FBXW7: variants seen among roughly 807,000 people sequenced by gnomAD.
FBXW7 encodes the protein F-box and WD repeat domain containing 7.
In FBXW7, 11 loss-of-function variants were observed where a neutral mutation model predicts 86.3. That is an observed-to-expected ratio of 0.13 (90% confidence interval 0.08 to 0.21). FBXW7 has a LOEUF of 0.21. FBXW7 is among the 10% of genes least tolerant of loss of function. The pLI is 1.00. For synonymous variants in FBXW7, 313 were observed against 297.9 expected, an observed-to-expected ratio of 1.05 and a Z score of -0.52; for missense variants, 488 against 847.4, an observed-to-expected ratio of 0.58 and a Z score of 5.27.
intron 2 of FBXW7, among the ~76,000 whole-genome samples, chr4:152,506,214 C>T (rs1185893847): frequency 6.6e-6 from 1 of 152,126 alleles, no homozygotes; most frequent in African/African-American, 2.4e-5. Flanking sequence ...TCACTGCAAG[C>T]TCTGCCTCCC....
chr4:152,331,453 A>G (rs1384345207), intron 8 of FBXW7, among the ~76,000 whole-genome samples: 1 of 152,144 alleles, frequency 6.6e-6, no homozygotes, highest in Non-Finnish European at 1.5e-5. Flanking sequence ...GCTAAGTGAA[A>G]TAAGCTGATT....
At chr4:152,456,418 C>T (rs904476230) in intron 2 of FBXW7, among the ~76,000 whole-genome samples, 1 of 149,872 alleles carries the variant, frequency 6.7e-6, no homozygotes, top group African/African-American at 2.4e-5. Context: ...CATCTGTAGT[C>T]CCAGCTACTC....
At chr4:152,352,926 T>A in intron 4 of FBXW7, 1 of 1,419,888 alleles carries the variant, frequency 7.0e-7, no homozygotes, top group Non-Finnish European at 9.2e-7. Flanking sequence ...TGCACATCAA[T>A]TATATGGTGA....
In FBXW7 at chr4:152,452,371, T is replaced by C. The variant is rs118114200; in HGVS notation, c.-119-39842A>G. Among the ~76,000 whole-genome samples, 718 of 152,298 alleles carry C rather than the reference T, an allele frequency of 4.7e-3. 10 individuals are homozygous for C. The highest frequency in any genetic ancestry group is 0.027 in the East Asian group (142 of 5,178). Reference sequence around the variant, plus strand: ...TTTTTTCCTTAAAATACAGCGTTGGTCATTAAAAGGACTTCAGTAATTTTA... The same window carrying C: ...TTTTTTCCTTAAAATACAGCGTTGGCCATTAAAAGGACTTCAGTAATTTTA... On this transcript the variant is annotated intron_variant, in intron 2 of 13. Coordinates refer to ENST00000281708, the MANE Select transcript of FBXW7 (RefSeq NM_001349798.2).
intron 4 of FBXW7, among the ~76,000 whole-genome samples, chr4:152,389,682 T>C (rs1005856539): frequency 1.3e-5 from 2 of 151,954 alleles, no homozygotes; most frequent in Non-Finnish European, 2.9e-5. Context: ...GGGTGACAGG[T>C]ACACTAAAGG....
At chr4:152,349,257 C>T (rs1181319870) in intron 5 of FBXW7, among the ~76,000 whole-genome samples, 1 of 151,594 alleles carries the variant, frequency 6.6e-6, no homozygotes, top group Non-Finnish European at 1.5e-5. Context: ...CTACTGTTAA[C>T]TTTCAATCAC....
intron 2 of FBXW7, among the ~76,000 whole-genome samples, chr4:152,475,386 C>T (rs947766543): frequency 1.4e-4 from 21 of 151,890 alleles, no homozygotes; most frequent in African/African-American, 4.6e-4. Flanking sequence ...TTGATCATAC[C>T]GGTGCACTCC....
chr4:152,499,060 G>A (rs1746654823), intron 2 of FBXW7, among the ~76,000 whole-genome samples: 1 of 152,062 alleles, frequency 6.6e-6, no homozygotes, highest in Non-Finnish European at 1.5e-5. Context: ...AATTATCAGA[G>A]AACTGAAGAA....
chr4:152,355,906 T>C (rs1292061781), intron 4 of FBXW7, among the ~76,000 whole-genome samples: 1 of 151,996 alleles, frequency 6.6e-6, no homozygotes, highest in East Asian at 1.9e-4. Context: ...GAACAAATAA[T>C]TGGGACGACT....
intron 2 of FBXW7, among the ~76,000 whole-genome samples, chr4:152,527,045 A>C (rs1160020275): frequency 2.6e-5 from 4 of 152,262 alleles, no homozygotes; most frequent in Non-Finnish European, 1.5e-5. Context: ...AAACAACTTT[A>C]ACTTAATAAA....
chr4:152,454,984 A>T (rs897312054), intron 2 of FBXW7, among the ~76,000 whole-genome samples: 3 of 152,160 alleles, frequency 2.0e-5, no homozygotes, highest in Non-Finnish European at 4.4e-5. Context: ...ATGTGTTTTT[A>T]AAAATTATTC....
intron 11 of FBXW7, among the ~76,000 whole-genome samples, chr4:152,327,841 G>A (rs1475172243): frequency 1.3e-5 from 2 of 151,844 alleles, no homozygotes; most frequent in East Asian, 1.9e-4. Flanking sequence ...AGGCTCAGAC[G>A]CTTGAAGCCT....
chr4:152,493,550 AC>A (rs1187943622), intron 2 of FBXW7, among the ~76,000 whole-genome samples: 2 of 152,060 alleles, frequency 1.3e-5, no homozygotes, highest in Non-Finnish European at 2.9e-5. Flanking sequence ...TGAAGCCCTA[AC>A]CCCCAGTACG....
intron 2 of FBXW7, among the ~76,000 whole-genome samples, chr4:152,480,505 T>C (rs908458487): frequency 6.6e-6 from 1 of 152,104 alleles, no homozygotes; most frequent in African/African-American, 2.4e-5. Flanking sequence ...GAGTCACACA[T>C]TACTCACTTT....
rs541943945 is a variant in FBXW7, at chr4:152,444,453, TTA to T, written c.-119-31926_-119-31925del. On this transcript the variant is annotated intron_variant, in intron 2 of 13. Transcript: ENST00000281708. ...GCGAATCTGAGTATCTCCTTAGGAA[TTA>T]TCTCTATAATTCCTAGAAGTAGGTT... Among the ~76,000 whole-genome samples, 17 of 152,286 alleles carry T rather than the reference TTA, an allele frequency of 1.1e-4. No homozygotes were observed. In the East Asian group the frequency reaches 3.1e-3, roughly 28 times the overall value.
intron 2 of FBXW7, among the ~76,000 whole-genome samples, chr4:152,414,831 T>A (rs1291906716): frequency 1.3e-5 from 2 of 152,074 alleles, no homozygotes; most frequent in Non-Finnish European, 2.9e-5. Flanking sequence ...AGAGGTATAA[T>A]AATTTTGCTC....
intron 2 of FBXW7, among the ~76,000 whole-genome samples, chr4:152,446,260 T>A (rs1033141366): frequency 5.3e-5 from 8 of 152,164 alleles, no homozygotes; most frequent in African/African-American, 1.9e-4. Context: ...TAGGAAATAT[T>A]GGATATCAAA....
Position 152,324,380 on chromosome 4 carries a change from A to G in FBXW7, c.1659T>C (p.His553=), listed in dbSNP as rs142961063. The change falls in exon 13 of 14, where the codon CAT becomes CAC. Residue 553 remains histidine (H), a synonymous_variant. Coordinates refer to ENST00000281708, the MANE Select transcript of FBXW7 (RefSeq NM_001349798.2). ...ATGTATCAAGAGATCCACTCACCAC[A>G]TGGATACCATCAAACTACAAAAGAC... ...RVYSLQFDGI[H]VVSGSLDTSI... The G allele has an allele frequency of 6.3e-6, 10 of 1,596,102 alleles. No homozygotes were observed. The African/African-American group carries it at 1.2e-4, about 19-fold the overall frequency.
chr4:152,476,402 T>C (rs912401745), intron 2 of FBXW7, among the ~76,000 whole-genome samples: 2 of 152,200 alleles, frequency 1.3e-5, no homozygotes, highest in African/African-American at 4.8e-5. Context: ...AGAAAAAAAC[T>C]CTGTGATTTT....
Sources: gnomAD v4.1 joint callset for allele counts (sites outside exome capture counted in the v4.1 genomes callset) on GRCh38, gnomAD v4.1.1 for gene constraint, MANE v1.5 for transcripts, NCBI Gene and HGNC (gene_info 2026-07-23, HGNC 2026-07-21) for gene names.